Variants in C3orf70 observed in about 807,000 individuals in gnomAD.
The protein encoded by C3orf70 is chromosome 3 open reading frame 70, also known as UPF0524 protein C3orf70.
A neutral mutation model predicts 20.7 loss-of-function variants in C3orf70; 15 were observed. That is an observed-to-expected ratio of 0.72 (90% CI 0.48 to 1.11). C3orf70 has a LOEUF of 1.11. C3orf70 is among the 50% of genes most tolerant of loss of function. The probability of loss-of-function intolerance (pLI) is 0.00; values close to 1 mark genes in which losing one functional copy is unlikely to be tolerated. For synonymous variants in C3orf70, 161 were observed against 125.7 expected (o/e 1.28, Z -1.88); for missense variants, 332 against 317.6 (o/e 1.05, Z -0.34).
At chr3:185,120,899 GA>G (rs1716283990) in intron 1 of C3orf70, among the ~76,000 whole-genome samples, 1 of 151,658 alleles carries the variant, frequency 6.6e-6, no homozygotes. Context: ...CAGAAGAAAA[GA>G]AGTCATTATA....
rs549711211 is a variant in C3orf70, at chr3:185,127,438, T to A, written c.196+25190A>T. ...AAGACCTAGACATTCATTCTTTTTT[T>A]AAATTATTATTATTTTTTGAGATGG... On this transcript the variant is annotated intron_variant, in intron 1 of 1. Coordinates refer to ENST00000335012, the MANE Select transcript of C3orf70 (RefSeq NM_001025266.3). 5.3e-5 allele frequency among the ~76,000 whole-genome samples: 8 copies of A among 152,240 alleles called. 1 individual carries two copies. In the South Asian group the frequency reaches 8.3e-4, roughly 16 times the overall value.
chr3:185,134,590 C>T (rs1367574443), intron 1 of C3orf70, among the ~76,000 whole-genome samples: 1 of 152,102 alleles, frequency 6.6e-6, no homozygotes, highest in Non-Finnish European at 1.5e-5. Context: ...CTAAAAAATG[C>T]CTGCTCTCTC....
intron 1 of C3orf70, among the ~76,000 whole-genome samples, chr3:185,150,997 A>C (rs1222727334): frequency 1.3e-5 from 2 of 152,266 alleles, no homozygotes; most frequent in African/African-American, 4.8e-5. Context: ...AAGACAGTCC[A>C]TATGTGCAAG....
rs1334784210 is a variant in C3orf70, at chr3:185,078,322, AG to A, written c.*4684del. 6.6e-6 allele frequency: 1 copy of A among 152,540 alleles called. No homozygotes were observed. Among genetic ancestry groups the A allele is most frequent in the Admixed American group, 6.5e-5 (1 of 15,286 alleles). 9.4% of individuals were successfully genotyped at this position (152,540 alleles called of 1,614,324 possible). A position where few individuals can be genotyped will look rare whatever the true frequency, so the allele number is the denominator to read the frequency against. Reference sequence around the variant, plus strand: ...AAGCCGCTAGTGATAAGTCGCTTTGAGAAGTGTTCAGGCTACTAAGAGAACA... The same window carrying A: ...AAGCCGCTAGTGATAAGTCGCTTTGAAAGTGTTCAGGCTACTAAGAGAACA... On this transcript the variant is annotated 3_prime_UTR_variant, in exon 2 of 2. Coordinates refer to ENST00000335012, the MANE Select transcript of C3orf70 (RefSeq NM_001025266.3).
At chr3:185,151,263 G>T (rs1490249296) in intron 1 of C3orf70, among the ~76,000 whole-genome samples, 1 of 152,178 alleles carries the variant, frequency 6.6e-6, no homozygotes, top group Non-Finnish European at 1.5e-5. Context: ...GTCAAAATAA[G>T]ACAGACAGTA....
chr3:185,106,075 C>A (rs1221024484), intron 1 of C3orf70, among the ~76,000 whole-genome samples: 6 of 152,102 alleles, frequency 3.9e-5, no homozygotes, highest in Non-Finnish European at 8.8e-5. Flanking sequence ...CTTTCTTTTC[C>A]AGAGGACACT....
rs1265100985 is a variant in C3orf70, at chr3:185,076,959, G to C, written c.*6048C>G. On this transcript the variant is annotated 3_prime_UTR_variant, in exon 2 of 2. Coordinates refer to ENST00000335012, the MANE Select transcript of C3orf70 (RefSeq NM_001025266.3). Reference sequence around the variant, plus strand: ...AATTAGGTAGAGAGTTAAAACAGTAGAGTGCACACGCAGATGAGATGCGCT... The same window carrying C: ...AATTAGGTAGAGAGTTAAAACAGTACAGTGCACACGCAGATGAGATGCGCT... Among the ~76,000 whole-genome samples, 4 of 152,206 alleles carry C rather than the reference G, an allele frequency of 2.6e-5. No homozygotes were observed. The highest frequency in any genetic ancestry group is 1.9e-4 in the East Asian group (1 of 5,198).
intron 1 of C3orf70, among the ~76,000 whole-genome samples, chr3:185,109,779 G>A (rs1716024743): frequency 6.6e-6 from 1 of 152,020 alleles, no homozygotes; most frequent in Non-Finnish European, 1.5e-5. Flanking sequence ...TCTGATCTCA[G>A]TATTTACCAT....
chr3:185,110,623 T>C (rs1716052027), intron 1 of C3orf70, among the ~76,000 whole-genome samples: 1 of 152,122 alleles, frequency 6.6e-6, no homozygotes, highest in Non-Finnish European at 1.5e-5. Flanking sequence ...TGTGACATGT[T>C]TGTGATGGCC....
chr3:185,092,312 C>G (rs1715609388), intron 1 of C3orf70, among the ~76,000 whole-genome samples: 1 of 152,062 alleles, frequency 6.6e-6, no homozygotes, highest in South Asian at 2.1e-4. Context: ...CACTCTAGAG[C>G]TTTTCTTGGC....
At position 185,082,996 on chromosome 3, in the gene C3orf70, T is replaced by C. The variant is rs773729356; in HGVS notation, c.*11A>G. The stretch of plus-strand genomic sequence containing the variant: ...GCGTGGGTCCGAGGCTGTGGCTTCC[T>C]GTCTGGACTCTCACACAGTCGTTTC... On this transcript the variant is annotated 3_prime_UTR_variant, in exon 2 of 2. Coordinates refer to ENST00000335012, the MANE Select transcript of C3orf70 (RefSeq NM_001025266.3). 8.1e-6 allele frequency: 13 copies of C among 1,609,012 alleles called. No homozygotes were observed. The highest frequency in any genetic ancestry group is 2.7e-5 in the African/African-American group (2 of 74,738).
chr3:185,152,704 C>A lies in C3orf70; in HGVS notation c.120G>T (p.Gly40=). Residue 40 remains glycine (G), a synonymous_variant, in exon 1 of 2, where the codon GGG becomes GGT. Transcript: ENST00000335012. ...ARRPDFQPCD[G]LSICATHSHG... ...GGCTGTGCGTGGCACAGATAGACAG[C>A]CCGTCGCACGGCTGGAAGTCGGGTC... The A allele has an allele frequency of 1.9e-6, 3 of 1,593,324 alleles. No homozygotes were observed. Among genetic ancestry groups the A allele is most frequent in the Non-Finnish European group, 2.6e-6 (3 of 1,170,402 alleles).
intron 1 of C3orf70, among the ~76,000 whole-genome samples, chr3:185,140,893 A>C (rs1716736808): frequency 6.6e-6 from 1 of 150,726 alleles, no homozygotes; most frequent in Non-Finnish European, 1.5e-5. Flanking sequence ...GCTTGAACCC[A>C]GGAGGCAGAG....
At position 185,079,319 on chromosome 3, in the gene C3orf70, C is replaced by A. The variant is rs979697983; in HGVS notation, c.*3688G>T. On this transcript the variant is annotated 3_prime_UTR_variant, in exon 2 of 2. Transcript: ENST00000335012. The stretch of plus-strand genomic sequence containing the variant: ...AAAAAAAAAAAGTAAAGCCACCACT[C>A]CCAAGATAGAATCAAATCCAAAAAG... 2.1e-5 allele frequency: 3 copies of A among 143,994 alleles called. No homozygotes were observed. The highest frequency in any genetic ancestry group is 3.1e-5 in the Non-Finnish European group (2 of 64,896). 8.9% of individuals were successfully genotyped at this position (143,994 alleles called of 1,614,324 possible).
intron 1 of C3orf70, among the ~76,000 whole-genome samples, chr3:185,110,144 A>G (rs912990503): frequency 6.6e-6 from 1 of 152,258 alleles, no homozygotes; most frequent in African/African-American, 2.4e-5. Context: ...TGTAGGAGCT[A>G]AACACAAAGA....
At chr3:185,143,514 G>A (rs532418741) in intron 1 of C3orf70, among the ~76,000 whole-genome samples, 166 of 152,252 alleles carry the variant, frequency 1.1e-3, no homozygotes, top group African/African-American at 3.8e-3. Flanking sequence ...ATACAGCTGG[G>A]GGGGTGTTTG....
At chr3:185,091,945 ATATATATATATATATAT>A (rs1281522411) in intron 1 of C3orf70, among the ~76,000 whole-genome samples, 1 of 6,924 alleles carries the variant, frequency 1.4e-4, no homozygotes, top group African/African-American at 6.6e-4. Flanking sequence ...ATATATATAT[ATATATATATATATATAT>A]ATTTTTTTTT....
intron 1 of C3orf70, among the ~76,000 whole-genome samples, chr3:185,093,065 A>T (rs1356591430): frequency 1.3e-5 from 2 of 152,114 alleles, no homozygotes; most frequent in Non-Finnish European, 2.9e-5. Context: ...CTGGGATCTG[A>T]AGTGTTTCAG....
At chr3:185,102,536 C>T (rs1420378504) in intron 1 of C3orf70, among the ~76,000 whole-genome samples, 1 of 152,190 alleles carries the variant, frequency 6.6e-6, no homozygotes, top group Middle Eastern at 3.2e-3. Context: ...AAATGACATT[C>T]TTCACAGAAC....
Sources: allele counts gnomAD v4.1 joint callset (sites outside exome capture counted in the v4.1 genomes callset), GRCh38; gene constraint gnomAD v4.1.1; transcripts MANE v1.5; gene names NCBI Gene and HGNC (gene_info 2026-07-23, HGNC 2026-07-21).